Variants in FRMD6 observed in about 807,000 individuals in gnomAD.
FRMD6 encodes FERM domain-containing protein 6.
Under a neutral mutation model 73.2 loss-of-function variants are expected in FRMD6, and 37 were observed. The observed-to-expected ratio is 0.51, with a 90% CI of 0.39 to 0.66. The LOEUF (loss-of-function observed/expected upper bound fraction) is 0.66, where lower values mean the gene tolerates loss of function less well. FRMD6 is among the 30% of genes least tolerant of loss of function. FRMD6 has a pLI of 0.00. For missense variants in FRMD6, 714 were observed against 780.5 expected (o/e 0.91, Z 1.02); for synonymous variants, 273 against 282.2 (o/e 0.97, Z 0.33).
chr14:51,437,216 A>G, the FRMD6 span, among the ~76,000 whole-genome samples: 2 of 151,812 alleles, frequency 1.3e-5, no homozygotes, highest in African/African-American at 2.4e-5. Flanking sequence ...ACTCCCACCT[A>G]TGAGTGAGAA....
At chr14:51,584,678 A>G (rs1950932) in intron 2 of FRMD6, among the ~76,000 whole-genome samples, 14,672 of 152,004 alleles carry the variant, frequency 0.097, 767 homozygotes, top group African/African-American at 0.13. Context: ...CCCTGAGATG[A>G]AATTTAACTC....
In FRMD6 at chr14:51,721,895, A is replaced by G. The variant is rs567118333; in HGVS notation, c.1361-54A>G. On this transcript the variant is annotated intron_variant, in intron 11 of 13. Transcript: ENST00000344768. ...CACCCTCAAAATATGGTTGCATATT[A>G]TGATGGTCATTTCCCTTTTTGTCAT... 62 of 1,595,060 alleles carry G rather than the reference A, an allele frequency of 3.9e-5. No homozygotes were observed. The African/African-American group carries it at 7.2e-4, about 19-fold the overall frequency.
chr14:51,491,171 A>G (rs745813026), intron 1 of FRMD6, among the ~76,000 whole-genome samples: 1 of 152,152 alleles, frequency 6.6e-6, no homozygotes, highest in Non-Finnish European at 1.5e-5. Context: ...GCCCTCAACA[A>G]ACATTCTTGA....
intron 1 of FRMD6, among the ~76,000 whole-genome samples, chr14:51,560,444 T>G (rs1261322391): frequency 6.6e-6 from 1 of 152,166 alleles, no homozygotes; most frequent in East Asian, 1.9e-4. Context: ...AGTGGGCAGG[T>G]GATCTCTGTT....
intron 2 of FRMD6, among the ~76,000 whole-genome samples, chr14:51,604,992 G>A (rs1241655324): frequency 6.6e-6 from 1 of 152,122 alleles, no homozygotes; most frequent in African/African-American, 2.4e-5. Flanking sequence ...GTGATCTCAA[G>A]ATACATGAGG....
the FRMD6 span, among the ~76,000 whole-genome samples, chr14:51,426,593 G>T: frequency 6.6e-6 from 1 of 152,228 alleles, no homozygotes; most frequent in Non-Finnish European, 1.5e-5. Flanking sequence ...ATAAATATTT[G>T]CTGAATGAAT....
intron 1 of FRMD6, among the ~76,000 whole-genome samples, chr14:51,684,958 G>A (rs1895053605): frequency 6.6e-6 from 1 of 152,144 alleles, no homozygotes; most frequent in South Asian, 2.1e-4. Context: ...TGCACAAGTA[G>A]ATTATCCACA....
the FRMD6 span, among the ~76,000 whole-genome samples, chr14:51,473,676 GT>G: frequency 2.6e-5 from 4 of 152,170 alleles, no homozygotes. Context: ...ATCTCAGGGA[GT>G]TTTCTGCCTT....
the FRMD6 span, among the ~76,000 whole-genome samples, chr14:51,469,299 C>T: frequency 6.7e-6 from 1 of 149,302 alleles, no homozygotes; most frequent in South Asian, 2.1e-4. Context: ...TTAAATCAAT[C>T]TTGCATTTCT....
At chr14:51,641,330 T>C (rs1891799042) in intron 2 of FRMD6, among the ~76,000 whole-genome samples, 1 of 152,224 alleles carries the variant, frequency 6.6e-6, no homozygotes. Context: ...TGATTCTTCA[T>C]TGCTATTAAG....
At chr14:51,442,954 T>C in the FRMD6 span, among the ~76,000 whole-genome samples, 4 of 152,328 alleles carry the variant, frequency 2.6e-5, no homozygotes, top group South Asian at 6.2e-4. Flanking sequence ...GTGCCTGGCC[T>C]TATGCCTGCA....
chr14:51,448,757 T>C, the FRMD6 span, among the ~76,000 whole-genome samples: 1 of 152,126 alleles, frequency 6.6e-6, no homozygotes, highest in African/African-American at 2.4e-5. Context: ...CTTCTTCAAA[T>C]AAAACTCCTA....
the FRMD6 span, among the ~76,000 whole-genome samples, chr14:51,452,170 G>A: frequency 6.6e-6 from 1 of 152,110 alleles, no homozygotes; most frequent in African/African-American, 2.4e-5. Context: ...CATGAGCGAG[G>A]GTTGGAAAGA....
chr14:51,423,293 T>A, the FRMD6 span, among the ~76,000 whole-genome samples: 1 of 152,202 alleles, frequency 6.6e-6, no homozygotes, highest in Non-Finnish European at 1.5e-5. Flanking sequence ...AGAGCCTCCC[T>A]GGCCATTTCC....
intron 1 of FRMD6, among the ~76,000 whole-genome samples, chr14:51,662,816 G>A (rs879927371): frequency 6.6e-6 from 1 of 152,060 alleles, no homozygotes; most frequent in Non-Finnish European, 1.5e-5. Flanking sequence ...AAAGTAAACA[G>A]CAAAGGAAAC....
Position 51,511,870 on chromosome 14 carries a change from T to TATAATA in FRMD6, c.-210+22467_-210+22472dup, listed in dbSNP as rs147559656. ...TGCACATGTACCCCAGAACTTAAAG[T>TATAATA]ATAATAATAATAATAATAATAAAGA... On this transcript the variant is annotated intron_variant, in intron 1 of 14. Coordinates refer to the FRMD6 transcript ENST00000356218. Among the ~76,000 whole-genome samples the TATAATA allele has an allele frequency of 1.3e-3, 192 of 150,308 alleles. 5 individuals are homozygous for TATAATA. The South Asian group carries it at 0.026, about 21-fold the overall frequency.
the FRMD6 span, among the ~76,000 whole-genome samples, chr14:51,419,171 C>T: frequency 1.3e-5 from 2 of 152,330 alleles, no homozygotes; most frequent in South Asian, 4.1e-4. Context: ...TCAGATCACC[C>T]TCTGTGGGCT....
the FRMD6 span, among the ~76,000 whole-genome samples, chr14:51,417,065 G>A: frequency 6.6e-6 from 1 of 152,052 alleles, no homozygotes; most frequent in African/African-American, 2.4e-5. Context: ...CGTGAGATGG[G>A]TCTCCTGAAT....
At chr14:51,552,616 G>A (rs113806160) in intron 1 of FRMD6, among the ~76,000 whole-genome samples, 254 of 152,312 alleles carry the variant, frequency 1.7e-3, no homozygotes, top group African/African-American at 5.8e-3. Flanking sequence ...TGGCAAGGTG[G>A]GGTCCAATGG....
Sources: allele counts gnomAD v4.1 joint callset (sites outside exome capture counted in the v4.1 genomes callset), GRCh38; gene constraint gnomAD v4.1.1; transcripts MANE v1.5; gene names NCBI Gene and HGNC (gene_info 2026-07-23, HGNC 2026-07-21).